Variants in RICTOR observed in about 807,000 individuals in gnomAD.
RICTOR encodes rapamycin-insensitive companion of mTOR.
A neutral mutation model predicts 214.9 loss-of-function variants in RICTOR; 49 were observed. That is an observed-to-expected ratio of 0.23 (90% confidence interval 0.18 to 0.29). RICTOR has a LOEUF of 0.29. RICTOR is among the 10% of genes least tolerant of loss of function. The pLI, the probability that RICTOR is intolerant of heterozygous loss-of-function variation, is 1.00. For synonymous variants in RICTOR, 717 were observed against 711.3 expected (o/e 1.01, Z -0.13); for missense variants, 1,625 against 2,047.0 (o/e 0.79, Z 3.98).
At chr5:39,056,997 A>G (rs1758247644) in intron 2 of RICTOR, among the ~76,000 whole-genome samples, 1 of 152,184 alleles carries the variant, frequency 6.6e-6, no homozygotes, top group African/African-American at 2.4e-5. Context: ...GTAATTATCT[A>G]CCTTGCAAAT....
At chr5:39,062,615 AT>A (rs1332372311) in intron 2 of RICTOR, among the ~76,000 whole-genome samples, 1 of 152,168 alleles carries the variant, frequency 6.6e-6, no homozygotes, top group Non-Finnish European at 1.5e-5. Flanking sequence ...TGATAAAAAT[AT>A]GTATGTGCAC....
intron 2 of RICTOR, among the ~76,000 whole-genome samples, chr5:39,058,295 C>T (rs1758324484): frequency 6.6e-6 from 1 of 151,984 alleles, no homozygotes; most frequent in Admixed American, 6.6e-5. Context: ...ATAGCATACT[C>T]TATTTAAAGG....
chr5:38,945,119 C>T (rs1273425137), intron 34 of RICTOR, 51 bp from the exon 35 acceptor site: 1 of 1,272,118 alleles, frequency 7.9e-7, no homozygotes, highest in Non-Finnish European at 1.1e-6. Flanking sequence ...GGCTTAATTC[C>T]TGTGCTTACA....
chr5:38,943,604 G>C (rs1040076492), intron 36 of RICTOR, among the ~76,000 whole-genome samples: 1 of 152,290 alleles, frequency 6.6e-6, no homozygotes, highest in South Asian at 2.1e-4. Flanking sequence ...CCTGAGGTCA[G>C]GAGTTTGAGA....
At chr5:38,953,795 G>C (rs2112879360) in intron 27 of RICTOR, among the ~76,000 whole-genome samples, 1 of 151,782 alleles carries the variant, frequency 6.6e-6, no homozygotes, top group East Asian at 1.9e-4. Context: ...CTCATCCTTT[G>C]ATTTCCTAAT....
At chr5:38,982,459 C>A (rs1356796351) in intron 7 of RICTOR, among the ~76,000 whole-genome samples, 1 of 152,066 alleles carries the variant, frequency 6.6e-6, no homozygotes, top group East Asian at 1.9e-4. Flanking sequence ...ATTTTAAGCT[C>A]AAAAATTTCT....
At chr5:39,032,184 G>C (rs888747290) in intron 2 of RICTOR, among the ~76,000 whole-genome samples, 2 of 152,140 alleles carry the variant, frequency 1.3e-5, no homozygotes, top group African/African-American at 4.8e-5. Flanking sequence ...TTTCTTTACT[G>C]ATGCCAAAAT....
chr5:38,960,796 G>A (rs1749727370), intron 19 of RICTOR, among the ~76,000 whole-genome samples: 1 of 152,074 alleles, frequency 6.6e-6, no homozygotes, highest in Non-Finnish European at 1.5e-5. Flanking sequence ...GATTATGGGG[G>A]CGGTTACCCT....
intron 9 of RICTOR, among the ~76,000 whole-genome samples, chr5:38,977,051 G>T (rs914953569): frequency 2.0e-5 from 3 of 152,202 alleles, no homozygotes; most frequent in African/African-American, 7.2e-5. Context: ...GGTAGCCAAA[G>T]AAAAAGTCAG....
intron 36 of RICTOR, chr5:38,944,060 A>C: frequency 2.9e-6 from 1 of 347,608 alleles, no homozygotes; most frequent in South Asian, 2.4e-5. Context: ...TTAGAAATTA[A>C]AATTGAGAGA....
intron 3 of RICTOR, among the ~76,000 whole-genome samples, chr5:39,019,234 A>T (rs1004844570): frequency 6.6e-6 from 1 of 152,234 alleles, no homozygotes; most frequent in African/African-American, 2.4e-5. Flanking sequence ...CAAGTTATCC[A>T]GCAGATACTG....
intron 3 of RICTOR, among the ~76,000 whole-genome samples, chr5:39,006,225 C>T (rs1215838690): frequency 1.3e-5 from 2 of 152,202 alleles, no homozygotes; most frequent in Admixed American, 6.5e-5. Flanking sequence ...TTGGTGTCTG[C>T]ACTTATTGTT....
chr5:38,979,057 C>T (rs935127903), intron 8 of RICTOR, among the ~76,000 whole-genome samples: 8 of 152,138 alleles, frequency 5.3e-5, no homozygotes, highest in Admixed American at 3.9e-4. Flanking sequence ...TATTAATGAA[C>T]TGCACGTTCC....
intron 2 of RICTOR, among the ~76,000 whole-genome samples, chr5:39,047,756 G>GCT (rs1757591737): frequency 6.6e-6 from 1 of 152,140 alleles, no homozygotes; most frequent in African/African-American, 2.4e-5. Context: ...TATGGAAAAA[G>GCT]CTTTCATTCT....
intron 2 of RICTOR, among the ~76,000 whole-genome samples, chr5:39,047,430 C>T (rs925727880): frequency 1.2e-4 from 18 of 152,178 alleles, no homozygotes; most frequent in African/African-American, 4.3e-4. Context: ...TGTATGCTTG[C>T]CCGCTGCTCA....
chr5:38,942,553 T>C (rs533734343), intron 37 of RICTOR, among the ~76,000 whole-genome samples, 175 bp from the exon 38 acceptor site: 7 of 151,028 alleles, frequency 4.6e-5, no homozygotes, highest in Middle Eastern at 6.8e-3. Flanking sequence ...TGGGTTCATA[T>C]GATCCTCCCA....
intron 2 of RICTOR, among the ~76,000 whole-genome samples, chr5:39,037,927 C>A (rs1166487734): frequency 6.6e-6 from 1 of 152,178 alleles, no homozygotes; most frequent in Non-Finnish European, 1.5e-5. Flanking sequence ...TGAAACTATT[C>A]CAATCAATAG....
At chr5:39,004,093 AG>A (rs1158141019) in intron 3 of RICTOR, among the ~76,000 whole-genome samples, 25 of 152,270 alleles carry the variant, frequency 1.6e-4, no homozygotes, top group African/African-American at 5.5e-4. Context: ...GGGTTTTAAC[AG>A]TATTTAGTCA....
chr5:39,038,704 C>T lies in RICTOR; in HGVS notation c.98-17568G>A, dbSNP rs1418104675. On this transcript the variant is annotated intron_variant, in intron 2 of 37. Coordinates refer to ENST00000357387, the MANE Select transcript of RICTOR (RefSeq NM_152756.5). ...GACAGACAGCCAAATCATGAGTGAA[C>T]TCCCATTCACAATTGCTTCAAAGAG... Among the ~76,000 whole-genome samples, 8 of 152,330 alleles carry T rather than the reference C, an allele frequency of 5.3e-5. 1 individual carries two copies. In the South Asian group the frequency reaches 1.2e-3, roughly 24 times the overall value.
Sources: allele counts gnomAD v4.1 joint callset (sites outside exome capture counted in the v4.1 genomes callset), GRCh38; gene constraint gnomAD v4.1.1; transcripts MANE v1.5; gene names NCBI Gene and HGNC (gene_info 2026-07-23, HGNC 2026-07-21).